Variants in DCTN5 observed in about 807,000 individuals in gnomAD.
The protein encoded by DCTN5 is dynactin 4.
Under a neutral mutation model 23.5 loss-of-function variants are expected in DCTN5, and 14 were observed. That is an observed-to-expected ratio of 0.60 (90% CI 0.39 to 0.93). The LOEUF is 0.93. DCTN5 is among the 40% of genes least tolerant of loss of function. The pLI, the probability that DCTN5 is intolerant of heterozygous loss-of-function variation, is 0.00. For synonymous variants in DCTN5, 67 were observed against 79.6 expected (o/e 0.84, Z 0.84); for missense variants, 156 against 225.9 (o/e 0.69, Z 1.98).
rs1462942506 is a variant in DCTN5, at chr16:23,667,072, G to T, written c.477G>T (p.Glu159Asp). ...CPGLFSGELP[E>D]CTQELMIDVT... ...GACTCTTCTCAGGGGAGCTCCCGGA[G>T]TGCACTCAGGAGCTGATGATTGACG... is the stretch of plus-strand genomic sequence containing the variant. Residue 159 changes from glutamate to aspartate, a missense_variant, in exon 6 of 6, where the codon GAG becomes GAT. Around this residue, in one of 2 missense-constraint regions of DCTN5, gnomAD observed 153 missense variants for 206.8 expected, o/e 0.74. Transcript: ENST00000300087. 1 of 1,613,718 alleles carries T rather than the reference G, an allele frequency of 6.2e-7. No homozygotes were observed. Among genetic ancestry groups the T allele is most frequent in the Non-Finnish European group, 8.5e-7 (1 of 1,180,002 alleles).
rs1485189477 is a variant in DCTN5 at position 23,645,124 on chromosome 16, TATATA to T, written c.117+2102_117+2106del. Among the ~76,000 whole-genome samples the T allele has an allele frequency of 1.5e-3, 59 of 39,940 alleles. 2 individuals carry two copies. Among genetic ancestry groups the T allele is most frequent in the South Asian group, 5.1e-3 (7 of 1,382 alleles). 26.2% of individuals were successfully genotyped at this position (39,940 alleles called of 152,430 possible). On this transcript the variant is annotated intron_variant, in intron 2 of 5. Coordinates refer to ENST00000300087, the MANE Select transcript of DCTN5 (RefSeq NM_032486.4). ...ATATATATATATATATATATATATA[TATATA>T]TATATATATTTTTTTTTTTTTTAAT...
chr16:23,669,344 C>T lies in DCTN5; in HGVS notation c.*2200C>T, dbSNP rs189361188. ...CAAACAGGGATCTGTCTCTTTGGCT[C>T]TCAGCTCTGCTTTCATTTGAGTTGG... On this transcript the variant is annotated 3_prime_UTR_variant, in exon 6 of 6. Transcript: ENST00000300087. 101 of 152,348 alleles carry T rather than the reference C, an allele frequency of 6.6e-4. No homozygotes were observed. The highest frequency in any genetic ancestry group is 2.3e-3 in the African/African-American group (95 of 41,558). The allele number at this position is 152,348 out of a possible 1,614,324, so 9.4% of individuals were successfully genotyped here. A position where few individuals can be genotyped will look rare whatever the true frequency, so the allele number is the denominator to read the frequency against.
chr16:23,645,137 A>ATATATTTT (rs1555462995), intron 2 of DCTN5, among the ~76,000 whole-genome samples: 4 of 30,804 alleles, frequency 1.3e-4, no homozygotes, highest in Admixed American at 5.0e-4. Flanking sequence ...ATATATATAT[A>ATATATTTT]TTTTTTTTTT....
chr16:23,663,868 A>T (rs1967860182), intron 4 of DCTN5, among the ~76,000 whole-genome samples: 1 of 152,248 alleles, frequency 6.6e-6, no homozygotes, highest in African/African-American at 2.4e-5. Context: ...TATTTCTCTA[A>T]GTGGGCAAAA....
At chr16:23,666,037 T>A (rs1018369133) in intron 5 of DCTN5, 13 of 291,670 alleles carry the variant, frequency 4.5e-5, no homozygotes, top group African/African-American at 2.8e-4. Context: ...GGGGTGATAC[T>A]CATGTCGGGA....
At chr16:23,651,091 G>A in intron 2 of DCTN5, 1 of 1,340,726 alleles carries the variant, frequency 7.5e-7, no homozygotes, top group Non-Finnish European at 9.6e-7. Context: ...TCCTGTAGGA[G>A]ATAGCTAAAA....
Position 23,669,299 on chromosome 16 carries a change from C to T in DCTN5, c.*2155C>T, listed in dbSNP as rs1450210453. 1 of 152,290 alleles carries T rather than the reference C, an allele frequency of 6.6e-6. No individual in the cohort carries two copies. The highest frequency in any genetic ancestry group is 1.5e-5 in the Non-Finnish European group (1 of 68,126). 9.4% of individuals were successfully genotyped at this position (152,290 alleles called of 1,614,324 possible). A position where few individuals can be genotyped will look rare whatever the true frequency, so the allele number is the denominator to read the frequency against. The stretch of plus-strand genomic sequence containing the variant: ...GAAAAGGATGGGCTAGATTGGGCTT[C>T]AGGCTGCATCCCAGGACTCCAAACA... On this transcript the variant is annotated 3_prime_UTR_variant, in exon 6 of 6. Transcript: ENST00000300087.
At chr16:23,657,308 T>C (rs1379282437) in intron 2 of DCTN5, among the ~76,000 whole-genome samples, 2 of 152,080 alleles carry the variant, frequency 1.3e-5, no homozygotes, top group African/African-American at 2.4e-5. Context: ...ATTTAAAAAT[T>C]AGTGGGATGT....
chr16:23,648,600 T>G (rs1967527202), intron 2 of DCTN5, among the ~76,000 whole-genome samples: 1 of 151,910 alleles, frequency 6.6e-6, no homozygotes, highest in Admixed American at 6.6e-5. Context: ...TCCGCCTGCC[T>G]CGGCCTCCCA....
chr16:23,658,820 G>C (rs532024266), intron 3 of DCTN5, among the ~76,000 whole-genome samples, 195 bp downstream of exon 3: 1 of 152,264 alleles, frequency 6.6e-6, no homozygotes, highest in East Asian at 1.9e-4. Context: ...AACAGAATCC[G>C]CTTACACACT....
rs1431689888 is a variant in DCTN5, at chr16:23,663,330, C to T, written c.348+2049C>T. Among the ~76,000 whole-genome samples the T allele has an allele frequency of 1.3e-5, 2 of 152,110 alleles. 1 individual carries two copies. Among genetic ancestry groups the T allele is most frequent in the Admixed American group, 1.3e-4 (2 of 15,284 alleles). On this transcript the variant is annotated intron_variant, in intron 4 of 5. Transcript: ENST00000300087. Reference sequence around the variant, plus strand: ...GGAAACCAAGGCTCCAAGATGCTAACTTACTTGCACAGGATATATAGGTAG... The same window carrying T: ...GGAAACCAAGGCTCCAAGATGCTAATTTACTTGCACAGGATATATAGGTAG...
rs771157847 is a variant in DCTN5 at position 23,641,581 on chromosome 16, C to T, written c.39C>T (p.Tyr13=). The change falls in exon 1 of 6, where the codon TAC becomes TAT. Residue 13 remains tyrosine (Y), a synonymous_variant. Coordinates refer to ENST00000300087, the MANE Select transcript of DCTN5 (RefSeq NM_032486.4). ...LGELLYNKSE[Y]IETASGNKVS... Reference sequence around the variant, plus strand: ...AGCTGCTCTACAACAAGTCTGAGTACATCGAGACGGTGCGCGGGTCCAGAT... The same window carrying T: ...AGCTGCTCTACAACAAGTCTGAGTATATCGAGACGGTGCGCGGGTCCAGAT... The T allele has an allele frequency of 1.2e-4, 193 of 1,613,908 alleles. No individual in the cohort carries two copies. Among genetic ancestry groups the T allele is most frequent in the Middle Eastern group, 1.6e-4 (1 of 6,080 alleles).
chr16:23,653,317 C>CA (rs1207864594), intron 2 of DCTN5, among the ~76,000 whole-genome samples: 3 of 152,132 alleles, frequency 2.0e-5, no homozygotes, highest in East Asian at 1.9e-4. Context: ...TACAGGGCTA[C>CA]AGTAATCAAA....
At chr16:23,653,999 A>G (rs1449985249) in intron 2 of DCTN5, among the ~76,000 whole-genome samples, 1 of 152,228 alleles carries the variant, frequency 6.6e-6, no homozygotes, top group Non-Finnish European at 1.5e-5. Flanking sequence ...GTCTCACACC[A>G]GTCAGAATAG....
intron 2 of DCTN5, among the ~76,000 whole-genome samples, chr16:23,653,301 A>G (rs1177821913): frequency 3.3e-5 from 5 of 152,214 alleles, no homozygotes; most frequent in African/African-American, 1.2e-4. Flanking sequence ...CCTGACTTCA[A>G]ACTACTACAG....
intron 4 of DCTN5, among the ~76,000 whole-genome samples, chr16:23,664,917 G>C (rs559116117): frequency 6.6e-6 from 1 of 152,346 alleles, no homozygotes; most frequent in African/African-American, 2.4e-5. Flanking sequence ...TAAACCAAGA[G>C]TACAGGAGTA....
intron 2 of DCTN5, among the ~76,000 whole-genome samples, chr16:23,645,085 A>C (rs1303041179): frequency 6.5e-4 from 7 of 10,700 alleles, no homozygotes; most frequent in African/African-American, 3.7e-3. Context: ...CAGCCTAACT[A>C]TATATATATA....
At position 23,645,137 on chromosome 16, in the gene DCTN5, A is replaced by ATAT. The variant is rs1555462995; in HGVS notation, c.117+2115_117+2116insATT. 4.9e-4 allele frequency among the ~76,000 whole-genome samples: 15 copies of ATAT among 30,776 alleles called. 1 individual carries two copies. Among genetic ancestry groups the ATAT allele is most frequent in the Admixed American group, 1.0e-3 (2 of 1,996 alleles). 20.2% of individuals were successfully genotyped at this position (30,776 alleles called of 152,430 possible). Reference sequence around the variant, plus strand: ...TATATATATATATATATATATATATATTTTTTTTTTTTTTAATACGCAGTT... The same window carrying ATAT: ...TATATATATATATATATATATATATATATTTTTTTTTTTTTTTAATACGCAGTT... On this transcript the variant is annotated intron_variant, in intron 2 of 5. Coordinates refer to ENST00000300087, the MANE Select transcript of DCTN5 (RefSeq NM_032486.4).
chr16:23,642,235 T>C (rs1455290160), intron 1 of DCTN5, among the ~76,000 whole-genome samples: 5 of 151,800 alleles, frequency 3.3e-5, no homozygotes, highest in Non-Finnish European at 7.4e-5. Context: ...ACCCTGCCGA[T>C]TTGGTTCTTT....
Sources: gnomAD v4.1 joint callset for allele counts (sites outside exome capture counted in the v4.1 genomes callset) on GRCh38, gnomAD v4.1.1 for gene constraint, gnomAD v4.1.1 regional missense constraint, MANE v1.5 for transcripts, NCBI Gene and HGNC (gene_info 2026-07-23, HGNC 2026-07-21) for gene names.